RGS7: variants seen among roughly 807,000 people sequenced by gnomAD.
RGS7 encodes the protein regulator of G protein signaling 7, also known as regulator of G-protein signaling 7.
Under a neutral mutation model 81.1 loss-of-function variants are expected in RGS7, and 27 were observed. The observed-to-expected ratio is 0.33, with a 90% CI of 0.25 to 0.46. RGS7 has a LOEUF of 0.46. RGS7 is among the 20% of genes least tolerant of loss of function. RGS7 has a pLI of 1.00. For missense variants in RGS7, 396 were observed against 607.4 expected, an observed-to-expected ratio of 0.65 and a Z score of 3.66; for synonymous variants, 208 against 207.7, an observed-to-expected ratio of 1.00 and a Z score of -0.01.
intron 3 of RGS7, among the ~76,000 whole-genome samples, chr1:241,023,768 G>A (rs1452902142): frequency 1.3e-5 from 2 of 152,128 alleles, no homozygotes; most frequent in Non-Finnish European, 2.9e-5. Flanking sequence ...TGATCAAGAT[G>A]TAGTTTCACT....
intron 2 of RGS7, among the ~76,000 whole-genome samples, chr1:241,159,652 C>T (rs56135062): frequency 0.067 from 10,219 of 151,596 alleles, 637 homozygotes; most frequent in East Asian, 0.18. Flanking sequence ...GTTATGGGAC[C>T]GAAGAAGAAG....
chr1:241,160,730 A>G (rs532177149), intron 2 of RGS7, among the ~76,000 whole-genome samples: 3 of 152,318 alleles, frequency 2.0e-5, no homozygotes, highest in African/African-American at 7.2e-5. Context: ...GCGATTCGCC[A>G]GTTTGATATC....
intron 2 of RGS7, among the ~76,000 whole-genome samples, chr1:241,310,740 T>C (rs2080480731): frequency 6.6e-6 from 1 of 152,162 alleles, no homozygotes; most frequent in Non-Finnish European, 1.5e-5. Context: ...AATTCAGAAC[T>C]GTCCTACTTC....
chr1:241,346,397 G>C (rs1362223248), intron 2 of RGS7, among the ~76,000 whole-genome samples: 1 of 14,316 alleles, frequency 7.0e-5, no homozygotes, highest in Non-Finnish European at 0.01. Flanking sequence ...ACACAGCCAA[G>C]GCCAATGCAT....
chr1:240,835,856 C>G (rs570985970), intron 9 of RGS7, among the ~76,000 whole-genome samples: 59 of 152,238 alleles, frequency 3.9e-4, no homozygotes, highest in Admixed American at 2.7e-3. Flanking sequence ...TTGTACGATT[C>G]CAATCATATG....
At chr1:241,080,969 G>T (rs1004133621) in intron 3 of RGS7, among the ~76,000 whole-genome samples, 1 of 152,084 alleles carries the variant, frequency 6.6e-6, no homozygotes, top group Admixed American at 6.6e-5. Flanking sequence ...TTCGAATATG[G>T]GTAGGATTGT....
chr1:241,259,511 G>T (rs991267597), intron 2 of RGS7, among the ~76,000 whole-genome samples: 1 of 151,270 alleles, frequency 6.6e-6, no homozygotes, highest in African/African-American at 2.4e-5. Context: ...TTAGTCAAGC[G>T]TGGTGGTGCA....
chr1:241,252,333 A>G (rs2148221524), intron 2 of RGS7, among the ~76,000 whole-genome samples: 1 of 152,246 alleles, frequency 6.6e-6, no homozygotes, highest in Non-Finnish European at 1.5e-5. Context: ...CGTGAGCCAC[A>G]GCGCCGGACC....
chr1:240,962,422 C>G (rs1249206637), intron 4 of RGS7, among the ~76,000 whole-genome samples: 2 of 152,140 alleles, frequency 1.3e-5, no homozygotes, highest in African/African-American at 4.8e-5. Flanking sequence ...TCTCTATATT[C>G]TTTCTTCCTT....
At chr1:241,046,862 G>A (rs1002323026) in intron 3 of RGS7, among the ~76,000 whole-genome samples, 11 of 152,146 alleles carry the variant, frequency 7.2e-5, no homozygotes, top group Non-Finnish European at 1.5e-4. Context: ...TATATGAAAT[G>A]TACACCAGCC....
At chr1:240,820,442 T>A (rs1161601884) in intron 10 of RGS7, among the ~76,000 whole-genome samples, 1 of 152,078 alleles carries the variant, frequency 6.6e-6, no homozygotes, top group Non-Finnish European at 1.5e-5. Flanking sequence ...AGAAGAGAAC[T>A]AGAAAAATTA....
chr1:240,810,718 G>A (rs1193470213), intron 14 of RGS7, among the ~76,000 whole-genome samples: 1 of 152,142 alleles, frequency 6.6e-6, no homozygotes, highest in Non-Finnish European at 1.5e-5. Context: ...CAAAGTGCTG[G>A]GATTATAGGC....
chr1:241,035,772 G>A (rs768930882), intron 3 of RGS7, among the ~76,000 whole-genome samples: 23 of 151,932 alleles, frequency 1.5e-4, no homozygotes, highest in Non-Finnish European at 2.4e-4. Flanking sequence ...AACAGTTATC[G>A]AATGCTTACT....
intron 3 of RGS7, among the ~76,000 whole-genome samples, chr1:241,085,629 A>G (rs948292990): frequency 2.0e-5 from 3 of 151,946 alleles, no homozygotes; most frequent in Admixed American, 2.0e-4. Context: ...GGGTTTTGCC[A>G]TGTTGGCCAG....
At chr1:241,071,162 C>G (rs747770206) in intron 3 of RGS7, among the ~76,000 whole-genome samples, 9 of 152,134 alleles carry the variant, frequency 5.9e-5, no homozygotes, top group Non-Finnish European at 1.0e-4. Flanking sequence ...ATCTGCCTTG[C>G]TGGGCAGGTG....
At chr1:241,211,578 G>T (rs1345320775) in intron 2 of RGS7, among the ~76,000 whole-genome samples, 1 of 152,146 alleles carries the variant, frequency 6.6e-6, no homozygotes, top group Non-Finnish European at 1.5e-5. Flanking sequence ...ACTCATAAAG[G>T]TTGGCTGAAT....
At chr1:241,095,847 G>A (rs539063894) in intron 3 of RGS7, among the ~76,000 whole-genome samples, 11 of 152,138 alleles carry the variant, frequency 7.2e-5, no homozygotes, top group Middle Eastern at 3.4e-3. Context: ...GTCATTCTAC[G>A]GTGGCATAGA....
chr1:241,155,003 A>G (rs1286515048), intron 2 of RGS7, among the ~76,000 whole-genome samples: 1 of 152,258 alleles, frequency 6.6e-6, no homozygotes, highest in Non-Finnish European at 1.5e-5. Context: ...TGTATTACAA[A>G]CTCACTATTC....
chr1:240,871,223 T>C (rs900529874), intron 6 of RGS7, among the ~76,000 whole-genome samples: 5 of 152,256 alleles, frequency 3.3e-5, no homozygotes, highest in African/African-American at 1.2e-4. Context: ...GTATCTGTTC[T>C]AGATGCTGAG....
Sources: allele counts gnomAD v4.1 joint callset (sites outside exome capture counted in the v4.1 genomes callset), GRCh38; gene constraint gnomAD v4.1.1; transcripts MANE v1.5; gene names NCBI Gene and HGNC (gene_info 2026-07-23, HGNC 2026-07-21).